FGF14: variants seen among roughly 807,000 people sequenced by gnomAD.
FGF14 encodes fibroblast growth factor homologous factor 4.
Under a neutral mutation model 25.5 loss-of-function variants are expected in FGF14, and 5 were observed. The ratio of observed to expected loss-of-function variants is 0.20; its 90% CI spans 0.10 to 0.41. FGF14 has a LOEUF of 0.41. Among genes scored for constraint, FGF14 ranks in the 10% least tolerant of loss-of-function variants. The pLI is 1.00. For missense variants in FGF14, 222 were observed against 320.1 expected (o/e 0.69, Z 2.34); for synonymous variants, 138 against 118.3 (o/e 1.17, Z -1.08).
intron 3 of FGF14, among the ~76,000 whole-genome samples, chr13:101,835,920 C>T (rs548940153): frequency 1.3e-5 from 2 of 152,134 alleles, no homozygotes; most frequent in East Asian, 1.9e-4. Flanking sequence ...CTAAAGGCTA[C>T]AGGCTGCCTG....
intron 3 of FGF14, among the ~76,000 whole-genome samples, chr13:101,842,485 G>C (rs73561289): frequency 0.02 from 3,034 of 152,110 alleles, 109 homozygotes; most frequent in African/African-American, 0.069. Flanking sequence ...GTCAAATTCA[G>C]ACCCAGAAAA....
At chr13:102,296,528 G>A (rs552435431) in intron 1 of FGF14, among the ~76,000 whole-genome samples, 1 of 152,224 alleles carries the variant, frequency 6.6e-6, no homozygotes, top group Admixed American at 6.5e-5. Flanking sequence ...GCACTTAAGA[G>A]TAATAAGAAA....
At chr13:102,290,680 A>AGACT (rs2054340991) in intron 1 of FGF14, among the ~76,000 whole-genome samples, 1 of 152,178 alleles carries the variant, frequency 6.6e-6, no homozygotes, top group Admixed American at 6.5e-5. Flanking sequence ...TGCATATGCA[A>AGACT]GACTTGGCTG....
At chr13:101,826,588 TG>T (rs1566947021) in intron 3 of FGF14, among the ~76,000 whole-genome samples, 1 of 152,062 alleles carries the variant, frequency 6.6e-6, no homozygotes, top group African/African-American at 2.4e-5. Flanking sequence ...ATCTTAGATT[TG>T]TTTCTAATTA....
chr13:102,202,519 T>C (rs2049708932), intron 1 of FGF14, among the ~76,000 whole-genome samples: 1 of 152,236 alleles, frequency 6.6e-6, no homozygotes, highest in Non-Finnish European at 1.5e-5. Context: ...AGTCTGTTCA[T>C]ATTACACAGA....
Position 101,720,868 on chromosome 13 carries a change from T to G in FGF14, c.*1963A>C, listed in dbSNP as rs909335523. On this transcript the variant is annotated 3_prime_UTR_variant, in exon 5 of 5. Transcript: ENST00000376143. ...TCTACTCAAACGTTCTGCTAACTTT[T>G]TATTTATTCAAGTAGAATCCAATAT... 2 of 152,172 alleles carry G rather than the reference T, an allele frequency of 1.3e-5. No individual in the cohort carries two copies. The highest frequency in any genetic ancestry group is 4.8e-5 in the African/African-American group (2 of 41,448). The allele number at this position is 152,172 out of a possible 1,614,324, so 9.4% of individuals were successfully genotyped here. A position where few individuals can be genotyped will look rare whatever the true frequency, so the allele number is the denominator to read the frequency against.
At chr13:101,954,830 A>G (rs573869851) in intron 1 of FGF14, among the ~76,000 whole-genome samples, 1 of 152,240 alleles carries the variant, frequency 6.6e-6, no homozygotes, top group Non-Finnish European at 1.5e-5. Context: ...AGACTGAAGG[A>G]AATCAGTATT....
At chr13:102,019,502 CCT>C (rs2040521299) in intron 1 of FGF14, among the ~76,000 whole-genome samples, 1 of 152,264 alleles carries the variant, frequency 6.6e-6, no homozygotes, top group Admixed American at 6.5e-5. Flanking sequence ...CCTGGATACC[CCT>C]GAGGCTGATG....
chr13:101,824,621 C>G (rs1056023180), intron 3 of FGF14, among the ~76,000 whole-genome samples: 1 of 152,098 alleles, frequency 6.6e-6, no homozygotes, highest in Non-Finnish European at 1.5e-5. Context: ...CACACAGCTC[C>G]TAAAACCCTT....
At chr13:101,955,596 G>A (rs2224725) in intron 1 of FGF14, among the ~76,000 whole-genome samples, 19,100 of 152,308 alleles carry the variant, frequency 0.13, 1,325 homozygotes, top group Admixed American at 0.22. Flanking sequence ...AGCATTGGAT[G>A]TGCGTGACAC....
intron 1 of FGF14, among the ~76,000 whole-genome samples, chr13:102,156,565 A>G (rs1462017212): frequency 1.3e-5 from 2 of 152,182 alleles, no homozygotes; most frequent in African/African-American, 2.4e-5. Flanking sequence ...TACTGAATGA[A>G]CAAAAACTGG....
chr13:102,142,853 T>C (rs926964055), intron 1 of FGF14, among the ~76,000 whole-genome samples: 1 of 152,220 alleles, frequency 6.6e-6, no homozygotes, highest in Non-Finnish European at 1.5e-5. Context: ...AGTTAATAGA[T>C]GTTCATTCAA....
rs1314013386 is a variant in FGF14 at position 101,916,731 on chromosome 13, C to G, written c.-86G>C. 1.6e-6 allele frequency: 2 copies of G among 1,227,798 alleles called. No homozygotes were observed. Among genetic ancestry groups the G allele is most frequent in the African/African-American group, 1.5e-5 (1 of 64,860 alleles). The allele number at this position is 1,227,798 out of a possible 1,614,324, so 76.1% of individuals were successfully genotyped here. A position where few individuals can be genotyped will look rare whatever the true frequency, so the allele number is the denominator to read the frequency against. ...CGGAGGGGAAGGCGGCGGCGCAGAC[C>G]GTGGCTCGCCCTCGGGGCAGAGGAG... On this transcript the variant is annotated 5_prime_UTR_variant, in exon 1 of 5. Transcript: ENST00000376143.
intron 1 of FGF14, among the ~76,000 whole-genome samples, chr13:102,301,849 C>CACACACAT (rs2055076987): frequency 6.6e-6 from 1 of 151,722 alleles, no homozygotes; most frequent in African/African-American, 2.4e-5. Context: ...CACACACACA[C>CACACACAT]ACACACACAC....
intron 1 of FGF14, among the ~76,000 whole-genome samples, chr13:102,013,765 A>T (rs114480571): frequency 0.011 from 1,616 of 152,276 alleles, 21 homozygotes; most frequent in African/African-American, 0.037. Flanking sequence ...GCTTGATCAT[A>T]TATGACATTT....
intron 3 of FGF14, among the ~76,000 whole-genome samples, chr13:101,835,897 T>G (rs1263648645): frequency 1.3e-5 from 2 of 152,010 alleles, no homozygotes; most frequent in African/African-American, 2.4e-5. Flanking sequence ...GTCTGACTGT[T>G]GCTGGAAGAA....
chr13:102,087,403 A>ATTT (rs1485606038), intron 1 of FGF14, among the ~76,000 whole-genome samples: 38 of 80,490 alleles, frequency 4.7e-4, no homozygotes, highest in African/African-American at 1.4e-3. Flanking sequence ...ATAGACTGTA[A>ATTT]TTTCTTTTTT....
chr13:101,778,066 G>A (rs763679071), intron 3 of FGF14, among the ~76,000 whole-genome samples: 6 of 152,148 alleles, frequency 3.9e-5, no homozygotes, highest in African/African-American at 9.7e-5. Context: ...GAGGTACTTC[G>A]TGAGAGTGCC....
At chr13:101,969,859 C>CAT (rs1316068767) in intron 1 of FGF14, among the ~76,000 whole-genome samples, 1 of 152,136 alleles carries the variant, frequency 6.6e-6, no homozygotes, top group African/African-American at 2.4e-5. Flanking sequence ...CAAAACACCC[C>CAT]ATATCTTGAC....
Sources: gnomAD v4.1 joint callset for allele counts (sites outside exome capture counted in the v4.1 genomes callset) on GRCh38, gnomAD v4.1.1 for gene constraint, MANE v1.5 for transcripts, NCBI Gene and HGNC (gene_info 2026-07-23, HGNC 2026-07-21) for gene names.